The following CARS2 variants were observed in gnomAD, a reference collection of about 807,000 sequenced individuals.
The protein encoded by CARS2 is cysteinyl-tRNA synthetase 2, mitochondrial.
A neutral mutation model predicts 68.8 loss-of-function variants in CARS2; 52 were observed. The observed-to-expected ratio is 0.76, with a 90% CI of 0.61 to 0.95. The LOEUF is 0.95. Among genes scored for constraint, CARS2 ranks in the 40% least tolerant of loss-of-function variants. The pLI is 0.00. For missense variants in CARS2, 780 were observed against 754.2 expected (o/e 1.03, Z -0.40); for synonymous variants, 314 against 303.6 (o/e 1.03, Z -0.36).
At chr13:110,647,014 G>A in intron 11 of CARS2, 87 bp downstream of exon 11, 1 of 1,431,912 alleles carries the variant, frequency 7.0e-7, no homozygotes, top group Admixed American at 2.5e-5. Flanking sequence ...GTCTCCTGGG[G>A]GCCCCTCTTC....
At chr13:110,648,116 C>G (rs997443664) in intron 10 of CARS2, among the ~76,000 whole-genome samples, 1 of 152,248 alleles carries the variant, frequency 6.6e-6, no homozygotes, top group African/African-American at 2.4e-5. Context: ...GGAAGCAACA[C>G]AGTGAAAACC....
intron 7 of CARS2, among the ~76,000 whole-genome samples, chr13:110,667,776 G>A (rs1255422838): frequency 1.3e-5 from 2 of 151,906 alleles, no homozygotes; most frequent in Admixed American, 6.6e-5. Flanking sequence ...CTTTCAATAG[G>A]TAGAGTTTAG....
At chr13:110,688,983 C>T (rs2063383217) in intron 3 of CARS2, 1 of 154,276 alleles carries the variant, frequency 6.5e-6, no homozygotes, top group Non-Finnish European at 1.5e-5. Flanking sequence ...CACACTACAA[C>T]TGGGATTTAA....
intron 6 of CARS2, among the ~76,000 whole-genome samples, chr13:110,681,086 G>A (rs2063145639): frequency 6.6e-6 from 1 of 152,182 alleles, no homozygotes; most frequent in Non-Finnish European, 1.5e-5. Context: ...GTTTGGTAGA[G>A]ACAGCAAGGG....
At chr13:110,646,116 C>T (rs1594217026) in intron 11 of CARS2, 26 bp from the exon 12 acceptor site, 5 of 1,606,772 alleles carry the variant, frequency 3.1e-6, no homozygotes, top group African/African-American at 1.3e-5. Context: ...AGAACAGTCA[C>T]AGCAGAGGGA....
In CARS2 at chr13:110,641,432, T is replaced by G. The variant is rs1887268667; in HGVS notation, c.*105A>C. ...TGGGACACTGTTGGTTGCCTTACTT[T>G]AATGCTGACCTAGCAGCCCCGACAG... On this transcript the variant is annotated 3_prime_UTR_variant, in exon 15 of 15. Transcript: ENST00000257347. 2.1e-6 allele frequency: 2 copies of G among 934,518 alleles called. No homozygotes were observed. 57.9% of individuals were successfully genotyped at this position (934,518 alleles called of 1,614,324 possible). A position where few individuals can be genotyped will look rare whatever the true frequency, so the allele number is the denominator to read the frequency against.
At chr13:110,677,333 C>T (rs55809022) in intron 6 of CARS2, among the ~76,000 whole-genome samples, 45 of 68,596 alleles carry the variant, frequency 6.6e-4, no homozygotes, top group East Asian at 1.7e-3. Flanking sequence ...CAGTCACCCC[C>T]ACCACGGGGA....
intron 5 of CARS2, among the ~76,000 whole-genome samples, chr13:110,686,035 G>A (rs1042223888): frequency 1.0e-4 from 15 of 150,548 alleles, no homozygotes; most frequent in Admixed American, 2.6e-4. Context: ...AGAAAGAGGA[G>A]GGGAAAAAGT....
At chr13:110,686,268 G>A (rs1280507363) in intron 5 of CARS2, among the ~76,000 whole-genome samples, 7 of 148,546 alleles carry the variant, frequency 4.7e-5, no homozygotes, top group Non-Finnish European at 7.4e-5. Flanking sequence ...TTGAGACAAG[G>A]TCTCGCTCTG....
At chr13:110,657,238 A>C (rs912206915) in intron 9 of CARS2, among the ~76,000 whole-genome samples, 3 of 152,236 alleles carry the variant, frequency 2.0e-5, no homozygotes, top group Admixed American at 2.0e-4. Flanking sequence ...CCAAATAAGG[A>C]ATCTATTTTG....
At chr13:110,650,800 T>C in intron 10 of CARS2, 1 of 477,540 alleles carries the variant, frequency 2.1e-6, no homozygotes, top group Non-Finnish European at 3.7e-6. Flanking sequence ...AGAGAAGGAG[T>C]GGAGAGGACT....
intron 7 of CARS2, among the ~76,000 whole-genome samples, chr13:110,674,167 A>G (rs921507229): frequency 6.6e-6 from 1 of 152,332 alleles, no homozygotes; most frequent in Non-Finnish European, 1.5e-5. Context: ...TGCCATCCCT[A>G]TCAAGCTACC....
intron 6 of CARS2, among the ~76,000 whole-genome samples, chr13:110,679,323 A>AGTTCGAGACCAGCCTGTCAGGG (rs1220564722): frequency 2.0e-5 from 3 of 151,914 alleles, no homozygotes; most frequent in Non-Finnish European, 4.4e-5. Flanking sequence ...TGAGGTCAGG[A>AGTTCGAGACCAGCCTGTCAGGG]GTTCGAGACC....
intron 5 of CARS2, among the ~76,000 whole-genome samples, chr13:110,685,337 C>G (rs963126668): frequency 1.5e-4 from 22 of 151,716 alleles, no homozygotes; most frequent in African/African-American, 5.3e-4. Context: ...TTCTTTGAAA[C>G]AAAATCTAAA....
intron 3 of CARS2, among the ~76,000 whole-genome samples, chr13:110,699,726 C>T (rs9515270): frequency 0.13 from 20,474 of 152,300 alleles, 1,819 homozygotes; most frequent in Middle Eastern, 0.18. Context: ...AGAGTGACAG[C>T]GTTTCATCAG....
intron 7 of CARS2, among the ~76,000 whole-genome samples, chr13:110,671,845 G>T (rs1440307418): frequency 6.6e-6 from 1 of 151,950 alleles, no homozygotes; most frequent in Non-Finnish European, 1.5e-5. Context: ...ACACACACAG[G>T]CTCAAAATAA....
At chr13:110,688,520 A>C (rs901200255) in intron 3 of CARS2, among the ~76,000 whole-genome samples, 16 of 152,260 alleles carry the variant, frequency 1.1e-4, no homozygotes, top group Admixed American at 6.5e-5. Flanking sequence ...TTCTAAGACA[A>C]GGGCAAAATC....
chr13:110,659,341 A>C (rs553740101), intron 9 of CARS2, among the ~76,000 whole-genome samples: 11 of 152,314 alleles, frequency 7.2e-5, no homozygotes, highest in African/African-American at 2.6e-4. Context: ...TCCCAGTTGT[A>C]AAAGATGTAT....
At position 110,644,298 on chromosome 13, in the gene CARS2, T is replaced by C. The variant is rs1887796645; in HGVS notation, c.1416+87A>G. On this transcript the variant is annotated intron_variant, in intron 13 of 14. Coordinates refer to ENST00000257347, the MANE Select transcript of CARS2 (RefSeq NM_024537.4). ...TAAATACATTAGTGTGGCATCATAA[T>C]GCTCTATTCCAAGTTAAAAGGGTAA... 5.0e-6 allele frequency: 7 copies of C among 1,401,240 alleles called. No homozygotes were observed. The South Asian group carries it at 8.2e-5, about 17-fold the overall frequency. The allele number at this position is 1,401,240 out of a possible 1,614,324, so 86.8% of individuals were successfully genotyped here.
Sources: allele counts gnomAD v4.1 joint callset (sites outside exome capture counted in the v4.1 genomes callset), GRCh38; gene constraint gnomAD v4.1.1; transcripts MANE v1.5; gene names NCBI Gene and HGNC (gene_info 2026-07-23, HGNC 2026-07-21).